SPATA22: variants seen among roughly 807,000 people sequenced by gnomAD.
SPATA22 encodes the protein spermatogenesis-associated protein 22.
Under a neutral mutation model 47.8 loss-of-function variants are expected in SPATA22, and 29 were observed. That is an observed-to-expected ratio of 0.61 (90% confidence interval 0.45 to 0.83). SPATA22 has a LOEUF of 0.83. Among genes scored for constraint, SPATA22 ranks in the 40% least tolerant of loss-of-function variants. The pLI is 0.00. For synonymous variants in SPATA22, 133 were observed against 140.9 expected, an observed-to-expected ratio of 0.94 and a Z score of 0.40; for missense variants, 410 against 421.7, an observed-to-expected ratio of 0.97 and a Z score of 0.24.
intron 1 of SPATA22, chr17:3,500,649 C>G (rs2073978825): frequency 6.6e-6 from 1 of 152,234 alleles, no homozygotes; most frequent in African/African-American, 2.4e-5. Context: ...ATTACAGGTG[C>G]CTGCCACCAC....
intron 1 of SPATA22, among the ~76,000 whole-genome samples, chr17:3,505,243 G>A (rs377571028): frequency 1.3e-5 from 2 of 152,172 alleles, no homozygotes; most frequent in Admixed American, 6.5e-5. Flanking sequence ...AATTGCAACC[G>A]TAATGCTTTA....
At chr17:3,513,770 C>CCACTGAG (rs2074144025) in exon 1 of SPATA22, 2 of 625,322 alleles carry the variant, frequency 3.2e-6, no homozygotes, top group Non-Finnish European at 2.8e-6. Flanking sequence ...GTTCAGACAC[C>CCACTGAG]CACTGAGCAC....
intron 1 of SPATA22, among the ~76,000 whole-genome samples, chr17:3,478,583 A>T (rs1485930099): frequency 6.6e-6 from 1 of 152,226 alleles, no homozygotes; most frequent in Non-Finnish European, 1.5e-5. Context: ...CTTCCCAAAT[A>T]GGTGTGAAAT....
chr17:3,459,052 A>AAAAATACCAT (rs370101687), intron 5 of SPATA22, among the ~76,000 whole-genome samples: 35,565 of 151,990 alleles, frequency 0.23, 4,447 homozygotes, highest in East Asian at 0.42. Flanking sequence ...ACACAGAAAG[A>AAAAATACCAT]ATGTGTGGGA....
chr17:3,443,773 A>G (rs1402899695), intron 7 of SPATA22, among the ~76,000 whole-genome samples: 1 of 151,970 alleles, frequency 6.6e-6, no homozygotes, highest in African/African-American at 2.4e-5. Flanking sequence ...GGTATACAAC[A>G]TATTTTCATA....
chr17:3,510,866 T>C lies in SPATA22; in HGVS notation c.-74+2546A>G, dbSNP rs2271158. 52,713 of 152,278 alleles carry C rather than the reference T, an allele frequency of 0.35. 10,800 individuals carry two copies. The highest frequency in any genetic ancestry group is 0.64 in the East Asian group (3,315 of 5,176). 9.4% of individuals were successfully genotyped at this position (152,278 alleles called of 1,614,324 possible). A position where few individuals can be genotyped will look rare whatever the true frequency, so the allele number is the denominator to read the frequency against. Reference sequence around the variant, plus strand: ...TCAATAATAAAGGGCTCTCTCAGGCTGGAGCCTTCTAAGAGCCTGAAGACT... The same window carrying C: ...TCAATAATAAAGGGCTCTCTCAGGCCGGAGCCTTCTAAGAGCCTGAAGACT... On this transcript the variant is annotated intron_variant, in intron 1 of 8. Transcript: ENST00000541913.
chr17:3,494,552 G>A (rs2073879002), intron 1 of SPATA22: 7 of 1,056,616 alleles, frequency 6.6e-6, no homozygotes, highest in Admixed American at 5.2e-5. Context: ...GCGTACATTC[G>A]CCCATTTGAT....
intron 1 of SPATA22, chr17:3,498,995 G>A: frequency 6.2e-7 from 1 of 1,614,212 alleles, no homozygotes; most frequent in Non-Finnish European, 8.5e-7. Context: ...CCGTGTTTGT[G>A]AATGAGGCCG....
intron 8 of SPATA22, among the ~76,000 whole-genome samples, 183 bp downstream of exon 8, chr17:3,442,991 G>A (rs2072630950): frequency 6.6e-6 from 1 of 151,804 alleles, no homozygotes; most frequent in Admixed American, 6.6e-5. Flanking sequence ...CTCAAACCCA[G>A]CACAGTACCT....
intron 3 of SPATA22, among the ~76,000 whole-genome samples, chr17:3,465,981 A>C (rs1779073158): frequency 6.6e-6 from 1 of 151,860 alleles, no homozygotes; most frequent in Non-Finnish European, 1.5e-5. Context: ...AAATGACGGA[A>C]TGTTTTTTAA....
chr17:3,460,025 A>G (rs1444691484), intron 5 of SPATA22, among the ~76,000 whole-genome samples: 1 of 152,236 alleles, frequency 6.6e-6, no homozygotes, highest in East Asian at 1.9e-4. Flanking sequence ...TTATAAGAAA[A>G]CAATTCTGGG....
At position 3,488,851 on chromosome 17, in the gene SPATA22, AAC is replaced by A. The variant is rs1169877455; in HGVS notation, c.-73-19455_-73-19454del. Among the ~76,000 whole-genome samples the A allele has an allele frequency of 6.6e-6, 1 of 152,096 alleles. No individual in the cohort carries two copies. The highest frequency in any genetic ancestry group is 2.4e-5 in the African/African-American group (1 of 41,434). ...CCGTCACAGCTAAATGTTAGATCTT[AAC>A]AGTTTCTCTTCAGGTCCACCTATTA... On this transcript the variant is annotated intron_variant, in intron 1 of 8. Transcript: ENST00000541913. The surrounding 1 kb of genome is among the most constrained non-coding windows in gnomAD (Gnocchi z 6.1).
intron 1 of SPATA22, chr17:3,499,296 G>A (rs1000478747): frequency 1.7e-5 from 8 of 468,686 alleles, no homozygotes; most frequent in Non-Finnish European, 3.0e-5. Flanking sequence ...TCAAAGAAGT[G>A]TTTCCTATTT....
intron 1 of SPATA22, chr17:3,489,371 A>C: frequency 6.6e-7 from 1 of 1,516,994 alleles, no homozygotes; most frequent in Non-Finnish European, 9.2e-7. Context: ...AACGTTATCA[A>C]ACTTAACCAC....
At chr17:3,511,837 A>C (rs1043954157) in intron 1 of SPATA22, 8 of 152,192 alleles carry the variant, frequency 5.3e-5, no homozygotes, top group African/African-American at 1.9e-4. Flanking sequence ...TTTATCCATT[A>C]ATGGATATGA....
intron 5 of SPATA22, among the ~76,000 whole-genome samples, chr17:3,455,714 T>G (rs1161037828): frequency 1.4e-5 from 2 of 145,008 alleles, no homozygotes; most frequent in East Asian, 4.0e-4. Flanking sequence ...TAGTATAGTT[T>G]GAAGTCAGGT....
intron 3 of SPATA22, among the ~76,000 whole-genome samples, chr17:3,464,190 C>T (rs964496745): frequency 5.9e-5 from 9 of 152,082 alleles, no homozygotes; most frequent in Non-Finnish European, 5.9e-5. Context: ...CTGTGTTGGC[C>T]GGGCTGGTCT....
At position 3,493,809 on chromosome 17, in the gene SPATA22, T is replaced by C. The variant is rs181660598; in HGVS notation, c.-74+19603A>G. Among the ~76,000 whole-genome samples, 210 of 152,240 alleles carry C rather than the reference T, an allele frequency of 1.4e-3. 1 individual carries two copies. The highest frequency in any genetic ancestry group is 2.6e-3 in the Non-Finnish European group (175 of 68,008). The stretch of plus-strand genomic sequence containing the variant: ...TCTCCTGACCCCTAAACCTAGATTC[T>C]TTTTCTCTCAAACTGGCTTTTTCAG... On this transcript the variant is annotated intron_variant, in intron 1 of 8. Transcript: ENST00000541913.
At chr17:3,466,688 C>T (rs908757575) in intron 3 of SPATA22, among the ~76,000 whole-genome samples, 3 of 152,210 alleles carry the variant, frequency 2.0e-5, no homozygotes, top group African/African-American at 7.2e-5. Context: ...GGGTTATTTA[C>T]AAATATGATA....
Sources: gnomAD v4.1 joint callset for allele counts (sites outside exome capture counted in the v4.1 genomes callset) on GRCh38, gnomAD v4.1.1 for gene constraint, Gnocchi (gnomAD v3.1) non-coding constraint, MANE v1.5 for transcripts, NCBI Gene and HGNC (gene_info 2026-07-23, HGNC 2026-07-21) for gene names.